The following TM9SF3 variants were observed in gnomAD, a reference collection of about 807,000 sequenced individuals.
TM9SF3 encodes the protein transmembrane 9 superfamily member 3.
TM9SF3 carries 14 observed loss-of-function variants against 78.6 expected under a neutral mutation model. The observed-to-expected ratio is 0.18, with a 90% CI of 0.12 to 0.28. The LOEUF is 0.28. Among genes scored for constraint, TM9SF3 ranks in the 10% least tolerant of loss-of-function variants. The probability of loss-of-function intolerance (pLI) is 1.00; values close to 1 mark genes in which losing one functional copy is unlikely to be tolerated. For synonymous variants in TM9SF3, 231 were observed against 241.7 expected (o/e 0.96, Z 0.41); for missense variants, 496 against 721.9 (o/e 0.69, Z 3.59).
Position 96,559,692 on chromosome 10 carries a change from G to A in TM9SF3, c.627C>T (p.Asp209=). 6.3e-7 allele frequency: 1 copy of A among 1,594,834 alleles called. No individual in the cohort carries two copies. Among genetic ancestry groups the A allele is most frequent in the Non-Finnish European group, 8.6e-7 (1 of 1,168,490 alleles). ...KSDVKFEDRF[D]KYLDPSFFQH... is the part of the protein sequence containing the mutation. ...GAAAAAAGGACGGATCAAGATATTT[G>A]TCAAATCGATCTTCAAATTTCACAT... The change falls in exon 5 of 15, where the codon GAC becomes GAT. Residue 209 remains aspartate, a synonymous_variant. Transcript: ENST00000371142.
At chr10:96,532,700 TG>T (rs908605616) in intron 10 of TM9SF3, among the ~76,000 whole-genome samples, 3 of 152,214 alleles carry the variant, frequency 2.0e-5, no homozygotes, top group Non-Finnish European at 4.4e-5. Context: ...TGTAAACAAA[TG>T]GGCATGGCTG....
chr10:96,560,433 C>G (rs1357854285), intron 4 of TM9SF3: 2 of 748,268 alleles, frequency 2.7e-6, no homozygotes, highest in South Asian at 1.3e-5. Context: ...AATGTCTGCA[C>G]AGCCAACGGT....
intron 8 of TM9SF3, among the ~76,000 whole-genome samples, chr10:96,545,903 CAAT>C (rs1848092446): frequency 6.6e-6 from 1 of 151,946 alleles, no homozygotes; most frequent in South Asian, 2.1e-4. Context: ...ATCAATCAAT[CAAT>C]CAATCAATCA....
chr10:96,577,980 A>C (rs1484301758), intron 1 of TM9SF3, among the ~76,000 whole-genome samples: 1 of 152,068 alleles, frequency 6.6e-6, no homozygotes, highest in Non-Finnish European at 1.5e-5. Flanking sequence ...CATCTACCCA[A>C]ATCCACTTCC....
intron 14 of TM9SF3, among the ~76,000 whole-genome samples, chr10:96,523,677 TCTAA>T (rs1281038981): frequency 6.6e-6 from 1 of 151,876 alleles, no homozygotes; most frequent in African/African-American, 2.4e-5. Context: ...AGCCTACAGA[TCTAA>T]CTACCACTTG....
intron 9 of TM9SF3, among the ~76,000 whole-genome samples, chr10:96,534,345 C>T (rs568658004): frequency 6.6e-6 from 1 of 152,074 alleles, no homozygotes; most frequent in African/African-American, 2.4e-5. Context: ...TAGGCCTAGG[C>T]CTATGAATAA....
chr10:96,576,194 C>T (rs1054832272), intron 2 of TM9SF3, among the ~76,000 whole-genome samples: 5 of 152,100 alleles, frequency 3.3e-5, no homozygotes, highest in East Asian at 1.9e-4. Flanking sequence ...AAGGTCTTCC[C>T]GGGCCACATG....
intron 3 of TM9SF3, among the ~76,000 whole-genome samples, chr10:96,563,397 A>T (rs1224880012): frequency 1.3e-5 from 2 of 150,958 alleles, no homozygotes; most frequent in Non-Finnish European, 2.9e-5. Context: ...TTTGAGACAG[A>T]GTCTCGCTCT....
rs199677938 is a variant in TM9SF3 at position 96,551,421 on chromosome 10, A to AAT, written c.793-12_793-11dup. On this transcript the variant is annotated splice_polypyrimidine_tract_variant and intron_variant, in intron 6 of 14. Transcript: ENST00000371142. ...CTCCTAGGTCTCTATCCTATATACA[A>AAT]ATATATATATAGAGAGAGAAAAGCA... 3.2e-4 allele frequency: 479 copies of AAT among 1,510,832 alleles called. 1 individual carries two copies. Among genetic ancestry groups the AAT allele is most frequent in the South Asian group, 8.6e-4 (68 of 78,816 alleles). The allele number at this position is 1,510,832 out of a possible 1,614,324, so 93.6% of individuals were successfully genotyped here. A position where few individuals can be genotyped will look rare whatever the true frequency, so the allele number is the denominator to read the frequency against.
At chr10:96,551,821 A>G (rs1253577209) in intron 6 of TM9SF3, among the ~76,000 whole-genome samples, 1 of 152,218 alleles carries the variant, frequency 6.6e-6, no homozygotes, top group Non-Finnish European at 1.5e-5. Flanking sequence ...AACCAGTACT[A>G]GATCCCCTAA....
chr10:96,553,190 C>T (rs1438323909), intron 5 of TM9SF3, 131 bp from the exon 6 acceptor site: 3 of 976,674 alleles, frequency 3.1e-6, no homozygotes, highest in African/African-American at 3.4e-5. Context: ...AGACAAAAAT[C>T]CAAATTTCAG....
rs1253453097 is a variant in TM9SF3 at position 96,559,714 on chromosome 10, A to G, written c.605T>C (p.Val202Ala). 1.3e-6 allele frequency: 2 copies of G among 1,587,716 alleles called. No individual in the cohort carries two copies. The highest frequency in any genetic ancestry group is 2.3e-5 in the South Asian group (2 of 86,752). Reference protein sequence around the residue: ...SYSVKWKKSDVKFEDRFDKYL... With the variant: ...SYSVKWKKSDAKFEDRFDKYL... ...TTTGTCAAATCGATCTTCAAATTTC[A>G]CATCTGACTTTTTCCATTTTACCTA... Residue 202 changes from valine to alanine, a missense_variant, in exon 5 of 15, where the codon GTG (valine) becomes GCG (alanine). Val to Ala is a moderately conservative substitution (Grantham distance 64). Transcript: ENST00000371142.
At chr10:96,537,018 G>A (rs1431249116) in intron 9 of TM9SF3, among the ~76,000 whole-genome samples, 1 of 152,146 alleles carries the variant, frequency 6.6e-6, no homozygotes, top group African/African-American at 2.4e-5. Flanking sequence ...TTGTAAGAAT[G>A]CAGTATATAA....
intron 7 of TM9SF3, among the ~76,000 whole-genome samples, chr10:96,550,252 T>C (rs2134142907): frequency 6.6e-6 from 1 of 152,322 alleles, no homozygotes; most frequent in Non-Finnish European, 1.5e-5. Context: ...CAAAGCTCCT[T>C]ATGTAGGTAC....
intron 1 of TM9SF3, among the ~76,000 whole-genome samples, chr10:96,582,134 TC>T (rs1848576957): frequency 6.6e-6 from 1 of 152,174 alleles, no homozygotes; most frequent in African/African-American, 2.4e-5. Flanking sequence ...GACTTTGTGA[TC>T]TTGTTAAGGA....
In TM9SF3 at chr10:96,527,297, A is replaced by G; in HGVS notation, c.1626-8T>C. ...TGAAATAAGCCATACATCCTGAAAT[A>G]AAACAAAATATATATAGGATATCCA... On this transcript the variant is annotated splice_region_variant and splice_polypyrimidine_tract_variant and intron_variant, in intron 13 of 14. Transcript: ENST00000371142. The G allele has an allele frequency of 6.2e-7, 1 of 1,608,916 alleles. No individual in the cohort carries two copies. Among genetic ancestry groups the G allele is most frequent in the Non-Finnish European group, 8.5e-7 (1 of 1,176,518 alleles).
intron 2 of TM9SF3, among the ~76,000 whole-genome samples, chr10:96,569,212 A>G (rs540790179): frequency 6.6e-6 from 1 of 152,288 alleles, no homozygotes; most frequent in Admixed American, 6.5e-5. Flanking sequence ...ATATTCACAG[A>G]AAGTGTTCTT....
chr10:96,583,099 A>AAAAGAAAG (rs1304567696), intron 1 of TM9SF3, among the ~76,000 whole-genome samples: 2 of 151,832 alleles, frequency 1.3e-5, no homozygotes, highest in Non-Finnish European at 2.9e-5. Flanking sequence ...AAAAAGAAAA[A>AAAAGAAAG]AAAGAAAGAA....
chr10:96,561,910 C>A, intron 4 of TM9SF3, 68 bp downstream of exon 4: 1 of 1,361,928 alleles, frequency 7.3e-7, no homozygotes. Context: ...TACTAAAGTT[C>A]AAAGCCACAA....
Sources: allele counts gnomAD v4.1 joint callset (sites outside exome capture counted in the v4.1 genomes callset), GRCh38; gene constraint gnomAD v4.1.1; transcripts MANE v1.5; gene names NCBI Gene and HGNC (gene_info 2026-07-23, HGNC 2026-07-21).